Variants in SCMH1 observed in about 807,000 individuals in gnomAD.
The protein encoded by SCMH1 is polycomb protein SCMH1.
A neutral mutation model predicts 70.8 loss-of-function variants in SCMH1; 37 were observed. The observed-to-expected ratio is 0.52, with a 90% CI of 0.40 to 0.69. The LOEUF (loss-of-function observed/expected upper bound fraction) is 0.69. SCMH1 is among the 30% of genes least tolerant of loss of function. The probability of loss-of-function intolerance (pLI) is 0.00; values close to 1 mark genes in which losing one functional copy is unlikely to be tolerated. For synonymous variants in SCMH1, 292 were observed against 307.4 expected (o/e 0.95, Z 0.52); for missense variants, 607 against 827.3 (o/e 0.73, Z 3.27).
At chr1:41,204,310 A>G (rs1242507751) in intron 1 of SCMH1, among the ~76,000 whole-genome samples, 2 of 152,116 alleles carry the variant, frequency 1.3e-5, no homozygotes, top group Admixed American at 1.3e-4. Context: ...GTATTGACCT[A>G]TTTTCTTCCC....
intron 5 of SCMH1, 101 bp from the exon 6 acceptor site, chr1:41,143,213 CT>C: frequency 5.4e-6 from 4 of 747,570 alleles, no homozygotes; most frequent in Non-Finnish European, 9.0e-6. Context: ...GGACAACCAA[CT>C]GAATTATTCC....
intron 1 of SCMH1, among the ~76,000 whole-genome samples, chr1:41,225,357 A>G (rs1002501486): frequency 1.3e-5 from 2 of 152,122 alleles, no homozygotes; most frequent in African/African-American, 4.8e-5. Flanking sequence ...TTTGCCTGAA[A>G]CCAAATAAAA....
intron 8 of SCMH1, among the ~76,000 whole-genome samples, chr1:41,080,056 CT>C (rs1284679367): frequency 6.6e-6 from 1 of 151,832 alleles, no homozygotes; most frequent in Admixed American, 6.6e-5. Flanking sequence ...CTTTGTTCAT[CT>C]TTTTTACATT....
chr1:41,200,921 C>A (rs1226513707), intron 1 of SCMH1, among the ~76,000 whole-genome samples: 1 of 146,634 alleles, frequency 6.8e-6, no homozygotes, highest in Non-Finnish European at 1.5e-5. Flanking sequence ...AGATTACTAA[C>A]CTTTACCATT....
chr1:41,171,323 G>A (rs1282241403), intron 2 of SCMH1, among the ~76,000 whole-genome samples: 1 of 152,098 alleles, frequency 6.6e-6, no homozygotes, highest in South Asian at 2.1e-4. Context: ...CAATTCTACT[G>A]TCAAAACTAC....
intron 10 of SCMH1, among the ~76,000 whole-genome samples, chr1:41,055,332 A>G (rs1486058998): frequency 1.3e-5 from 2 of 151,788 alleles, no homozygotes; most frequent in Non-Finnish European, 2.9e-5. Context: ...GTTGGCCAAC[A>G]TGTGCCCAGC....
At chr1:41,215,304 T>A (rs2148819195) in intron 1 of SCMH1, among the ~76,000 whole-genome samples, 1 of 152,284 alleles carries the variant, frequency 6.6e-6, no homozygotes, top group East Asian at 1.9e-4. Flanking sequence ...AAAAATTTGA[T>A]CATGTGGCTT....
chr1:41,183,821 CAAT>C (rs1572903285), intron 2 of SCMH1, among the ~76,000 whole-genome samples: 1 of 152,088 alleles, frequency 6.6e-6, no homozygotes, highest in Admixed American at 6.5e-5. Context: ...TATTAATAAA[CAAT>C]AACTGAAAAC....
chr1:41,054,541 A>C (rs764612563), intron 10 of SCMH1, among the ~76,000 whole-genome samples: 2 of 152,188 alleles, frequency 1.3e-5, no homozygotes, highest in African/African-American at 2.4e-5. Context: ...AGATGTAAGA[A>C]AGATGTAACT....
intron 1 of SCMH1, among the ~76,000 whole-genome samples, chr1:41,196,010 G>A (rs370740151): frequency 3.3e-5 from 5 of 151,828 alleles, no homozygotes; most frequent in South Asian, 2.1e-4. Flanking sequence ...TAACTAACAC[G>A]GCTAAAGACT....
chr1:41,048,591 C>A, intron 11 of SCMH1, 99 bp downstream of exon 11: 1 of 1,036,792 alleles, frequency 9.6e-7, no homozygotes, highest in African/African-American at 1.6e-5. Flanking sequence ...CCAGAGCCTG[C>A]AGGTATGAAG....
intron 8 of SCMH1, among the ~76,000 whole-genome samples, chr1:41,099,595 T>C (rs1184610754): frequency 3.9e-5 from 6 of 152,186 alleles, no homozygotes; most frequent in Non-Finnish European, 8.8e-5. Flanking sequence ...CCCATGGAAT[T>C]AGGTTCAAGT....
chr1:41,118,523 T>C (rs1456905629), intron 6 of SCMH1, among the ~76,000 whole-genome samples: 1 of 152,226 alleles, frequency 6.6e-6, no homozygotes, highest in Non-Finnish European at 1.5e-5. Flanking sequence ...CTTATCACTT[T>C]CTGTCTTGCA....
chr1:41,034,097 A>AT (rs1345735545), intron 13 of SCMH1, 49 bp from the exon 14 acceptor site: 1 of 1,567,808 alleles, frequency 6.4e-7, no homozygotes, highest in African/African-American at 1.3e-5. Flanking sequence ...GCACATGAGG[A>AT]ACATTCTGCA....
chr1:41,178,366 A>G (rs1359360775), intron 2 of SCMH1, among the ~76,000 whole-genome samples: 1 of 152,208 alleles, frequency 6.6e-6, no homozygotes, highest in East Asian at 1.9e-4. Flanking sequence ...TCATAATGAC[A>G]GGATCAAATT....
At chr1:41,044,283 G>A (rs2148662264) in intron 12 of SCMH1, among the ~76,000 whole-genome samples, 1 of 152,210 alleles carries the variant, frequency 6.6e-6, no homozygotes, top group African/African-American at 2.4e-5. Flanking sequence ...GTGTAGCCAG[G>A]CAGAAGGGCA....
intron 8 of SCMH1, among the ~76,000 whole-genome samples, chr1:41,108,755 A>T (rs1668595721): frequency 6.6e-6 from 1 of 152,178 alleles, no homozygotes; most frequent in African/African-American, 2.4e-5. Context: ...TGAACCTAAA[A>T]TCATGTAGGA....
intron 2 of SCMH1, among the ~76,000 whole-genome samples, chr1:41,169,763 C>G (rs74069071): frequency 0.013 from 1,951 of 152,328 alleles, 39 homozygotes; most frequent in African/African-American, 0.045. Flanking sequence ...CTTCTCTGCA[C>G]TTCTCCTGGG....
At chr1:41,233,347 C>T (rs1661678973) in intron 1 of SCMH1, among the ~76,000 whole-genome samples, 2 of 152,094 alleles carry the variant, frequency 1.3e-5, no homozygotes, top group Non-Finnish European at 2.9e-5. Context: ...CTGAAAAATC[C>T]ACTAAACTAG....
Sources: gnomAD v4.1 joint callset for allele counts (sites outside exome capture counted in the v4.1 genomes callset) on GRCh38, gnomAD v4.1.1 for gene constraint, MANE v1.5 for transcripts, NCBI Gene and HGNC (gene_info 2026-07-23, HGNC 2026-07-21) for gene names.